Variants in GBE1 observed in about 807,000 individuals in gnomAD.
GBE1 encodes the protein 1,4-alpha-glucan-branching enzyme.
Under a neutral mutation model 88.8 loss-of-function variants are expected in GBE1, and 70 were observed. That is an observed-to-expected ratio of 0.79 (90% CI 0.65 to 0.96). GBE1 has a LOEUF of 0.96. Among genes scored for constraint, GBE1 ranks in the 40% least tolerant of loss-of-function variants. The pLI is 0.00. For synonymous variants in GBE1, 284 were observed against 300.1 expected (o/e 0.95, Z 0.56); for missense variants, 872 against 871.0 (o/e 1.00, Z -0.01).
chr3:81,631,218 G>T (rs1194591526), intron 7 of GBE1, among the ~76,000 whole-genome samples: 1 of 151,902 alleles, frequency 6.6e-6, no homozygotes, highest in East Asian at 1.9e-4. Flanking sequence ...AAGAAAAAAA[G>T]AAAGATATTC....
intron 15 of GBE1, among the ~76,000 whole-genome samples, chr3:81,494,501 A>G (rs1702477065): frequency 6.6e-6 from 1 of 152,190 alleles, no homozygotes; most frequent in Non-Finnish European, 1.5e-5. Context: ...TTAAATATAA[A>G]AAGTATATTG....
At chr3:81,546,365 T>A (rs928210645) in intron 12 of GBE1, among the ~76,000 whole-genome samples, 1 of 152,162 alleles carries the variant, frequency 6.6e-6, no homozygotes, top group Non-Finnish European at 1.5e-5. Flanking sequence ...CCATTCCTCA[T>A]AACTGTACCA....
chr3:81,702,143 GTGTGTGTGTGTGTGTGT>G, intron 2 of GBE1, among the ~76,000 whole-genome samples: 1 of 144,088 alleles, frequency 6.9e-6, no homozygotes, highest in African/African-American at 2.6e-5. Context: ...GTGTGTGTGT[GTGTGTGTGTGTGTGTGT>G]TAAGGCATGG....
chr3:81,613,548 GA>G (rs901449981), intron 7 of GBE1, among the ~76,000 whole-genome samples: 51 of 147,982 alleles, frequency 3.4e-4, no homozygotes, highest in Admixed American at 6.0e-4. Flanking sequence ...TTTAAAAAAA[GA>G]AAAAAAAAAC....
At chr3:81,583,262 T>A (rs1046063893) in intron 10 of GBE1, among the ~76,000 whole-genome samples, 4 of 152,106 alleles carry the variant, frequency 2.6e-5, no homozygotes, top group Admixed American at 2.6e-4. Flanking sequence ...CTCTCAAACA[T>A]CACTAGTCAG....
In GBE1 at chr3:81,528,524, G is replaced by A. The variant is rs55804849; in HGVS notation, c.1934+6671C>T. Among the ~76,000 whole-genome samples, 1,076 of 152,142 alleles carry A rather than the reference G, an allele frequency of 7.1e-3. 22 individuals carry two copies. Among genetic ancestry groups the A allele is most frequent in the African/African-American group, 0.025 (1,028 of 41,544 alleles). On this transcript the variant is annotated intron_variant, in intron 14 of 15. Transcript: ENST00000429644. ...GTCTATAGCACAGATTACATCTCAG[G>A]TTTCTTTGTTGATTTCCTGCCTGAA...
At position 81,606,788 on chromosome 3, in the gene GBE1, T is replaced by A. The variant is rs148863860; in HGVS notation, c.993-12765A>T. ...CAACCATATCACTTTTGGTTATGTT[T>A]TGCTTAGCATTTATGTGACACTATG... On this transcript the variant is annotated intron_variant, in intron 7 of 15. Coordinates refer to ENST00000429644, the MANE Select transcript of GBE1 (RefSeq NM_000158.4). Among the ~76,000 whole-genome samples the A allele has an allele frequency of 2.0e-4, 31 of 152,340 alleles. 1 individual carries two copies. In the East Asian group the frequency reaches 5.4e-3, roughly 27 times the overall value.
At chr3:81,621,463 G>A (rs1003389922) in intron 7 of GBE1, among the ~76,000 whole-genome samples, 2 of 152,062 alleles carry the variant, frequency 1.3e-5, no homozygotes, top group African/African-American at 4.8e-5. Context: ...CTTTCAAAGA[G>A]CCCTCGTTGT....
chr3:81,564,775 G>T (rs1403994643), intron 12 of GBE1, among the ~76,000 whole-genome samples: 1 of 152,090 alleles, frequency 6.6e-6, no homozygotes, highest in African/African-American at 2.4e-5. Context: ...TCTCTCGCCT[G>T]GCTTCCAGTG....
At chr3:81,662,232 A>C (rs995645881) in intron 3 of GBE1, among the ~76,000 whole-genome samples, 1 of 152,034 alleles carries the variant, frequency 6.6e-6, no homozygotes, top group Non-Finnish European at 1.5e-5. Context: ...TGTTTTCTCT[A>C]TGTTGGTCAG....
chr3:81,619,030 A>G (rs1704288089), intron 7 of GBE1, among the ~76,000 whole-genome samples: 1 of 152,150 alleles, frequency 6.6e-6, no homozygotes, highest in African/African-American at 2.4e-5. Flanking sequence ...ACATGCAGAA[A>G]ATTACTATAA....
At chr3:81,711,014 G>A (rs1286490337) in intron 1 of GBE1, among the ~76,000 whole-genome samples, 5 of 152,156 alleles carry the variant, frequency 3.3e-5, no homozygotes, top group Non-Finnish European at 5.9e-5. Context: ...ACTACTAGGC[G>A]ATAGGTATGA....
chr3:81,599,614 TAA>T (rs1704005731), intron 7 of GBE1, among the ~76,000 whole-genome samples: 1 of 152,176 alleles, frequency 6.6e-6, no homozygotes, highest in African/African-American at 2.4e-5. Context: ...AAAGGTACAG[TAA>T]AACACAGTAT....
chr3:81,749,658 T>C (rs993937653), intron 1 of GBE1, among the ~76,000 whole-genome samples: 1 of 152,220 alleles, frequency 6.6e-6, no homozygotes, highest in Non-Finnish European at 1.5e-5. Context: ...TTTGCACCAA[T>C]GTCAATCTCC....
intron 7 of GBE1, among the ~76,000 whole-genome samples, chr3:81,603,282 T>G (rs532168268): frequency 6.6e-6 from 1 of 152,236 alleles, no homozygotes; most frequent in East Asian, 1.9e-4. Context: ...CTTGATGAAT[T>G]TCATGAGAAA....
chr3:81,557,925 G>A (rs949187117), intron 12 of GBE1, among the ~76,000 whole-genome samples: 2 of 152,010 alleles, frequency 1.3e-5, no homozygotes, highest in African/African-American at 4.8e-5. Context: ...GGTCAAAGGA[G>A]TTCAGGTAGT....
intron 7 of GBE1, among the ~76,000 whole-genome samples, chr3:81,631,589 A>C (rs376340005): frequency 7.4e-4 from 112 of 151,664 alleles, no homozygotes; most frequent in African/African-American, 2.1e-3. Context: ...CAAAAAAAAA[A>C]ACAAAAAATT....
intron 1 of GBE1, among the ~76,000 whole-genome samples, chr3:81,746,059 A>G (rs1348488801): frequency 1.3e-5 from 2 of 152,250 alleles, no homozygotes; most frequent in East Asian, 3.8e-4. Context: ...ATTCTTACAA[A>G]TAAAATTATA....
intron 1 of GBE1, among the ~76,000 whole-genome samples, chr3:81,714,181 G>A (rs986258562): frequency 6.6e-6 from 1 of 152,130 alleles, no homozygotes; most frequent in African/African-American, 2.4e-5. Context: ...TGTCTTCCTA[G>A]TACATACAAT....
Sources: gnomAD v4.1 joint callset for allele counts (sites outside exome capture counted in the v4.1 genomes callset) on GRCh38, gnomAD v4.1.1 for gene constraint, MANE v1.5 for transcripts, NCBI Gene and HGNC (gene_info 2026-07-23, HGNC 2026-07-21) for gene names.